CCDC68: variants seen among roughly 807,000 people sequenced by gnomAD.
CCDC68 encodes coiled-coil domain containing 68.
A neutral mutation model predicts 47.1 loss-of-function variants in CCDC68; 45 were observed. That is an observed-to-expected ratio of 0.96 (90% confidence interval 0.75 to 1.23). The LOEUF (loss-of-function observed/expected upper bound fraction) is 1.23. CCDC68 is among the 50% of genes most tolerant of loss of function. The pLI is 0.00. For synonymous variants in CCDC68, 131 were observed against 129.5 expected (o/e 1.01, Z -0.08); for missense variants, 353 against 373.6 (o/e 0.94, Z 0.45).
Position 54,904,128 on chromosome 18 carries a change from T to A in CCDC68, c.*230A>T, listed in dbSNP as rs1488108770. On this transcript the variant is annotated 3_prime_UTR_variant, in exon 12 of 12. Coordinates refer to ENST00000591504, the MANE Select transcript of CCDC68 (RefSeq NM_025214.3). ...TTAAAGCAGAATCTGTCTTCCATCA[T>A]GAGAAGGCACCTGGTTTCTTCAACT... 2.7e-6 allele frequency: 1 copy of A among 366,510 alleles called. No individual in the cohort carries two copies. The highest frequency in any genetic ancestry group is 4.9e-6 in the Non-Finnish European group (1 of 203,728). The allele number at this position is 366,510 out of a possible 1,614,324, so 22.7% of individuals were successfully genotyped here.
At chr18:54,911,568 A>T (rs941682773) in intron 10 of CCDC68, among the ~76,000 whole-genome samples, 1 of 152,158 alleles carries the variant, frequency 6.6e-6, no homozygotes, top group Admixed American at 6.5e-5. Context: ...TCATCAATTG[A>T]TGGTGAAGAT....
intron 8 of CCDC68, among the ~76,000 whole-genome samples, chr18:54,921,158 C>T (rs375707078): frequency 4.6e-5 from 7 of 151,844 alleles, no homozygotes; most frequent in Admixed American, 2.0e-4. Context: ...CAAACACAAA[C>T]GTAAAGAAGG....
chr18:54,944,484 A>G (rs1019298811), intron 2 of CCDC68, among the ~76,000 whole-genome samples: 153 of 152,202 alleles, frequency 1.0e-3, no homozygotes, highest in African/African-American at 3.6e-3. Context: ...AAGAATGTCT[A>G]TGATGGATTG....
chr18:54,930,677 TCCC>T (rs1568147640), intron 7 of CCDC68, among the ~76,000 whole-genome samples: 3 of 55,256 alleles, frequency 5.4e-5, no homozygotes, highest in Non-Finnish European at 6.7e-5. Context: ...CTTCCTTCCC[TCCC>T]TCCCTCCCTC....
At chr18:54,950,897 CTTTTTTTTTTTTTTT>C (rs869026740) in intron 1 of CCDC68, among the ~76,000 whole-genome samples, 3 of 61,946 alleles carry the variant, frequency 4.8e-5, no homozygotes. Flanking sequence ...ATTCAGATGT[CTTTTTTTTTTTTTTT>C]TTTTTTTTTT....
chr18:54,929,528 G>C (rs9951880), intron 7 of CCDC68, among the ~76,000 whole-genome samples: 192 of 152,286 alleles, frequency 1.3e-3, no homozygotes, highest in African/African-American at 4.5e-3. Flanking sequence ...AAACGAAGCT[G>C]AGATGACTGT....
chr18:54,921,297 A>G (rs1276297881), intron 8 of CCDC68, among the ~76,000 whole-genome samples: 1 of 152,224 alleles, frequency 6.6e-6, no homozygotes, highest in African/African-American at 2.4e-5. Context: ...GCATCAGGCA[A>G]TATACCCACG....
At chr18:54,908,814 C>G (rs1038651780) in intron 10 of CCDC68, among the ~76,000 whole-genome samples, 1 of 152,070 alleles carries the variant, frequency 6.6e-6, no homozygotes, top group African/African-American at 2.4e-5. Context: ...AAGCCTAAAC[C>G]TGCCTTCCAC....
intron 1 of CCDC68, among the ~76,000 whole-genome samples, chr18:54,955,290 A>G (rs1388173988): frequency 6.6e-6 from 1 of 152,178 alleles, no homozygotes; most frequent in African/African-American, 2.4e-5. Context: ...CTGACACTGC[A>G]CTCCAGCGTC....
intron 4 of CCDC68, among the ~76,000 whole-genome samples, chr18:54,938,888 C>G (rs149120444): frequency 6.6e-6 from 1 of 152,350 alleles, no homozygotes; most frequent in African/African-American, 2.4e-5. Flanking sequence ...TTGTTAAACA[C>G]CTGTTATATG....
At chr18:54,946,482 C>T (rs1423975075) in intron 1 of CCDC68, among the ~76,000 whole-genome samples, 1 of 152,130 alleles carries the variant, frequency 6.6e-6, no homozygotes, top group Non-Finnish European at 1.5e-5. Flanking sequence ...GACTGATTTA[C>T]TTTCATTTTC....
intron 1 of CCDC68, among the ~76,000 whole-genome samples, chr18:54,956,179 G>A (rs2044710804): frequency 6.6e-6 from 1 of 152,132 alleles, no homozygotes; most frequent in Non-Finnish European, 1.5e-5. Context: ...TAGTAGAGAT[G>A]GGGTTTCACC....
rs1913816237 is a variant in CCDC68, at chr18:54,903,758, T to A, written c.*600A>T. 6.6e-6 allele frequency: 1 copy of A among 152,176 alleles called. No homozygotes were observed. Among genetic ancestry groups the A allele is most frequent in the African/African-American group, 2.4e-5 (1 of 41,424 alleles). 9.4% of individuals were successfully genotyped at this position (152,176 alleles called of 1,614,324 possible). A position where few individuals can be genotyped will look rare whatever the true frequency, so the allele number is the denominator to read the frequency against. On this transcript the variant is annotated 3_prime_UTR_variant, in exon 12 of 12. Coordinates refer to ENST00000591504, the MANE Select transcript of CCDC68 (RefSeq NM_025214.3). ...TGATTCTCAACTTCAGAGGGGCATA[T>A]GGGTTGGGGAATTAGCTAAAAGGAA...
intron 7 of CCDC68, among the ~76,000 whole-genome samples, chr18:54,933,894 A>G (rs1227264152): frequency 6.6e-6 from 1 of 152,236 alleles, no homozygotes; most frequent in African/African-American, 2.4e-5. Flanking sequence ...CTTGGGAAAC[A>G]TTTTTAAACA....
At chr18:54,938,929 G>C (rs1280259640) in intron 4 of CCDC68, among the ~76,000 whole-genome samples, 1 of 152,162 alleles carries the variant, frequency 6.6e-6, no homozygotes, top group Admixed American at 6.5e-5. Context: ...TTTATGTACA[G>C]TCCTTTGTCT....
intron 10 of CCDC68, among the ~76,000 whole-genome samples, chr18:54,916,680 G>A (rs186820908): frequency 1.3e-5 from 2 of 152,246 alleles, no homozygotes; most frequent in Non-Finnish European, 2.9e-5. Flanking sequence ...CCTTGGCAGG[G>A]GCTTCATTGC....
At chr18:54,906,804 A>T (rs1367842353) in intron 11 of CCDC68, among the ~76,000 whole-genome samples, 3 of 152,170 alleles carry the variant, frequency 2.0e-5, no homozygotes, top group Non-Finnish European at 1.5e-5. Context: ...GTGGCCAAAA[A>T]GTTTCTAACA....
At position 54,930,672 on chromosome 18, in the gene CCDC68, T is replaced by TTCCTTCCCTCCC. The variant is rs1555675801; in HGVS notation, c.601-1791_601-1790insGGGAGGGAAGGA. 1.2e-3 allele frequency among the ~76,000 whole-genome samples: 12 copies of TTCCTTCCCTCCC among 9,830 alleles called. No individual in the cohort carries two copies. The East Asian group carries it at 0.015, about 13-fold the overall frequency. 6.4% of individuals were successfully genotyped at this position (9,830 alleles called of 152,430 possible). A position where few individuals can be genotyped will look rare whatever the true frequency, so the allele number is the denominator to read the frequency against. Reference sequence around the variant, plus strand: ...CTCCCTCCCTTCCTTCCTTCCTTCCTTCCCTCCCTCCCTCCCTCCCTCCCT... The same window carrying TTCCTTCCCTCCC: ...CTCCCTCCCTTCCTTCCTTCCTTCCTTCCTTCCCTCCCTCCCTCCCTCCCTCCCTCCCTCCCT... On this transcript the variant is annotated intron_variant, in intron 7 of 11. Transcript: ENST00000591504.
intron 5 of CCDC68, chr18:54,937,754 A>G (rs1366391220): frequency 2.4e-6 from 1 of 416,760 alleles, no homozygotes; most frequent in African/African-American, 2.0e-5. Flanking sequence ...AGATATTTTC[A>G]ATAACAAAAG....
Sources: allele counts gnomAD v4.1 joint callset (sites outside exome capture counted in the v4.1 genomes callset), GRCh38; gene constraint gnomAD v4.1.1; transcripts MANE v1.5; gene names NCBI Gene and HGNC (gene_info 2026-07-23, HGNC 2026-07-21).